PCDHGA1: variants seen among roughly 807,000 people sequenced by gnomAD.
PCDHGA1 encodes the protein protocadherin gamma-A1.
A neutral mutation model predicts 58.0 loss-of-function variants in PCDHGA1; 32 were observed. That is an observed-to-expected ratio of 0.55 (90% CI 0.42 to 0.74). PCDHGA1 has a LOEUF of 0.74. PCDHGA1 is among the 30% of genes least tolerant of loss of function. The pLI is 0.00. For synonymous variants in PCDHGA1, 498 were observed against 501.1 expected, an observed-to-expected ratio of 0.99 and a Z score of 0.08; for missense variants, 1,205 against 1,182.3, an observed-to-expected ratio of 1.02 and a Z score of -0.28.
chr5:141,433,389 A>G (rs1157605590), intron 1 of PCDHGA1, among the ~76,000 whole-genome samples: 2 of 151,108 alleles, frequency 1.3e-5, no homozygotes, highest in African/African-American at 2.4e-5. Context: ...CTATCTATCT[A>G]TCTATCTATC....
intron 1 of PCDHGA1, among the ~76,000 whole-genome samples, chr5:141,482,238 A>G (rs560354311): frequency 8.5e-5 from 13 of 152,304 alleles, no homozygotes; most frequent in African/African-American, 2.9e-4. Context: ...TTGCCAATAT[A>G]AGTATAGTAC....
chr5:141,389,432 C>A (rs1007591817), intron 1 of PCDHGA1: 2 of 1,610,650 alleles, frequency 1.2e-6, no homozygotes, highest in Non-Finnish European at 8.5e-7. Flanking sequence ...TCGCGCAGCG[C>A]GCCTTCGACC....
At chr5:141,366,369 C>A in intron 1 of PCDHGA1, 2 of 1,614,106 alleles carry the variant, frequency 1.2e-6, no homozygotes, top group Non-Finnish European at 1.7e-6. Context: ...AGTATCAAGA[C>A]CCCCATTGAC....
intron 1 of PCDHGA1, chr5:141,365,783 GCTCGAGTCAC>G (rs1561535325): frequency 6.2e-7 from 1 of 1,613,842 alleles, no homozygotes; most frequent in Admixed American, 1.7e-5. Flanking sequence ...CGGCGACAAC[GCTCGAGTCAC>G]CTACTCCCTG....
intron 1 of PCDHGA1, among the ~76,000 whole-genome samples, chr5:141,438,629 TATATATACACACAC>T (rs1468553117): frequency 3.8e-3 from 181 of 48,054 alleles, no homozygotes; most frequent in Non-Finnish European, 5.4e-3. Flanking sequence ...TATATATATA[TATATATACACACAC>T]ACACACACAT....
At chr5:141,498,670 G>A (rs1266576450) in intron 2 of PCDHGA1, among the ~76,000 whole-genome samples, 1 of 152,066 alleles carries the variant, frequency 6.6e-6, no homozygotes, top group Non-Finnish European at 1.5e-5. Flanking sequence ...GGTGGCTCAC[G>A]CCTGTAATCC....
In PCDHGA1 at chr5:141,487,218, C is replaced by T; in HGVS notation, c.2422-7589C>T. The T allele has an allele frequency of 6.2e-7, 1 of 1,613,938 alleles. No individual in the cohort carries two copies. The highest frequency in any genetic ancestry group is 1.3e-5 in the African/African-American group (1 of 75,024). On this transcript the variant is annotated intron_variant, in intron 1 of 3. Coordinates refer to ENST00000517417, the MANE Select transcript of PCDHGA1 (RefSeq NM_018912.3). The surrounding 1 kb of genome is among the most constrained non-coding windows in gnomAD (Gnocchi z 5.0). ...CCAGATCTTCGAGAATCTTCAGCTCCAAGGGAAGGAGAATCTCGTCTAACC... is the reference window on the plus strand; with the variant it reads ...CCAGATCTTCGAGAATCTTCAGCTCTAAGGGAAGGAGAATCTCGTCTAACC...
rs2095830931 is a variant in PCDHGA1 at position 141,415,116 on chromosome 5, A to G, written c.2422-79691A>G. 3 of 1,613,652 alleles carry G rather than the reference A, an allele frequency of 1.9e-6. No individual in the cohort carries two copies. The East Asian group carries it at 6.7e-5, about 36-fold the overall frequency. On this transcript the variant is annotated intron_variant, in intron 1 of 3. Transcript: ENST00000517417. The stretch of plus-strand genomic sequence containing the variant: ...GAGACGCGCTCAAGCAAAGCCTCGT[A>G]GTGGCCGTCCAGGACCACGGCCAGC...
chr5:141,403,415 C>A, intron 1 of PCDHGA1: 1 of 1,614,046 alleles, frequency 6.2e-7, no homozygotes, highest in East Asian at 2.2e-5. Context: ...TTATCCACTT[C>A]CAGAAGCTAT....
At chr5:141,395,109 A>G (rs1181706209) in intron 1 of PCDHGA1, 1 of 1,614,092 alleles carries the variant, frequency 6.2e-7, no homozygotes, top group Admixed American at 1.7e-5. Context: ...CTCGCGGAAG[A>G]GTCACCTGAT....
chr5:141,365,864 G>A lies in PCDHGA1; in HGVS notation c.2421+32759G>A, dbSNP rs753111294. 9 of 1,614,004 alleles carry A rather than the reference G, an allele frequency of 5.6e-6. No individual in the cohort carries two copies. In the Admixed American group the frequency reaches 6.7e-5, roughly 12 times the overall value. ...CTATGTATCCATTAACTCTGACACC[G>A]GTGTCCTGTATGCTCTGAGATCCTT... is the stretch of plus-strand genomic sequence containing the variant. On this transcript the variant is annotated intron_variant, in intron 1 of 3. Coordinates refer to ENST00000517417, the MANE Select transcript of PCDHGA1 (RefSeq NM_018912.3).
rs771341809 is a variant in PCDHGA1 at position 141,404,607 on chromosome 5, T to C, written c.2421+71502T>C. 5 of 1,613,938 alleles carry C rather than the reference T, an allele frequency of 3.1e-6. No homozygotes were observed. The African/African-American group carries it at 6.7e-5, about 22-fold the overall frequency. ...AGCAATGTGTCATTGAGACTGTTTG[T>C]TTTGGACCAGAATGACAATGCCCCA... On this transcript the variant is annotated intron_variant, in intron 1 of 3. Coordinates refer to ENST00000517417, the MANE Select transcript of PCDHGA1 (RefSeq NM_018912.3).
At chr5:141,384,901 A>G in intron 1 of PCDHGA1, 1 of 1,613,838 alleles carries the variant, frequency 6.2e-7, no homozygotes, top group South Asian at 1.1e-5. Flanking sequence ...GGCTGACAGC[A>G]TCCCCGAAGT....
intron 1 of PCDHGA1, chr5:141,361,463 C>T: frequency 6.2e-7 from 1 of 1,614,070 alleles, no homozygotes; most frequent in South Asian, 1.1e-5. Context: ...CTGCACATCT[C>T]CGACGTCAAC....
At position 141,351,596 on chromosome 5, in the gene PCDHGA1, C is replaced by T. The variant is rs773771390; in HGVS notation, c.2421+18491C>T. 6.2e-7 allele frequency: 1 copy of T among 1,614,088 alleles called. No homozygotes were observed. The highest frequency in any genetic ancestry group is 1.1e-5 in the South Asian group (1 of 91,088). On this transcript the variant is annotated intron_variant, in intron 1 of 3. Transcript: ENST00000517417. Reference sequence around the variant, plus strand: ...CATCTCCGACATCAACGACAATGCACCTGTTTTCCATCAGGCCTCCTATGT... The same window carrying T: ...CATCTCCGACATCAACGACAATGCATCTGTTTTCCATCAGGCCTCCTATGT...
chr5:141,477,560 T>C lies in PCDHGA1; in HGVS notation c.2422-17247T>C, dbSNP rs2099412994. The C allele has an allele frequency of 1.2e-6, 2 of 1,614,078 alleles. No homozygotes were observed. Among genetic ancestry groups the C allele is most frequent in the South Asian group, 2.2e-5 (2 of 91,094 alleles). ...GGCTCCAATACTAAACCTAAGTGTC[T>C]GGGACCCCGACGCCCCGCAGAATGC... On this transcript the variant is annotated intron_variant, in intron 1 of 3. Transcript: ENST00000517417. This position sits in a 1 kb window ranked among gnomAD's most constrained non-coding sequence, Gnocchi z 4.9.
intron 1 of PCDHGA1, chr5:141,395,178 G>A: frequency 6.2e-7 from 1 of 1,614,142 alleles, no homozygotes; most frequent in East Asian, 2.2e-5. Flanking sequence ...TGAGAAAAAT[G>A]ATTCTTTGTT....
rs370286425 is a variant in PCDHGA1, at chr5:141,431,234, G to A, written c.2422-63573G>A. On this transcript the variant is annotated intron_variant, in intron 1 of 3. Coordinates refer to ENST00000517417, the MANE Select transcript of PCDHGA1 (RefSeq NM_018912.3). This position sits in a 1 kb window ranked among gnomAD's most constrained non-coding sequence, Gnocchi z 4.8. ...GCGGTTCCCTCTACCCCACGCCTGGGATCCGGATATCGGGAAGAACTCTCT... is the reference window on the plus strand; with the variant it reads ...GCGGTTCCCTCTACCCCACGCCTGGAATCCGGATATCGGGAAGAACTCTCT... 13 of 1,614,052 alleles carry A rather than the reference G, an allele frequency of 8.1e-6. No individual in the cohort carries two copies. The highest frequency in any genetic ancestry group is 2.7e-5 in the African/African-American group (2 of 74,940).
intron 1 of PCDHGA1, among the ~76,000 whole-genome samples, chr5:141,381,823 C>CTTTCTTTCT (rs1777506241): frequency 9.8e-6 from 1 of 101,610 alleles, no homozygotes; most frequent in African/African-American, 4.3e-5. Context: ...TTTCTTTCTT[C>CTTTCTTTCT]TTCTTTTTTT....
Sources: allele counts gnomAD v4.1 joint callset (sites outside exome capture counted in the v4.1 genomes callset), GRCh38; gene constraint gnomAD v4.1.1; non-coding constraint Gnocchi (gnomAD v3.1); transcripts MANE v1.5; gene names NCBI Gene and HGNC (gene_info 2026-07-23, HGNC 2026-07-21).